Variants in GRK5 observed in about 807,000 individuals in gnomAD.
The protein encoded by GRK5 is g protein-coupled receptor kinase GRK5.
Under a neutral mutation model 78.4 loss-of-function variants are expected in GRK5, and 40 were observed. The ratio of observed to expected loss-of-function variants is 0.51; its 90% confidence interval spans 0.40 to 0.66. GRK5 has a LOEUF of 0.66. Among genes scored for constraint, GRK5 ranks in the 30% least tolerant of loss-of-function variants. The pLI is 0.00. For synonymous variants in GRK5, 289 were observed against 296.8 expected, an observed-to-expected ratio of 0.97 and a Z score of 0.27; for missense variants, 598 against 759.9, an observed-to-expected ratio of 0.79 and a Z score of 2.50.
At chr10:119,311,174 C>T (rs895200372) in intron 1 of GRK5, among the ~76,000 whole-genome samples, 1 of 152,186 alleles carries the variant, frequency 6.6e-6, no homozygotes, top group Non-Finnish European at 1.5e-5. Context: ...TCTTCCCTTC[C>T]GGTCCTGCCT....
At chr10:119,327,564 C>T (rs1850700831) in intron 2 of GRK5, among the ~76,000 whole-genome samples, 1 of 152,212 alleles carries the variant, frequency 6.6e-6, no homozygotes, top group African/African-American at 2.4e-5. Flanking sequence ...CTGCCCAGGG[C>T]CTCGGGTGAG....
In GRK5 at chr10:119,439,661, G is replaced by T; in HGVS notation, c.930-70G>T. On this transcript the variant is annotated intron_variant, in intron 9 of 15. Coordinates refer to ENST00000392870, the MANE Select transcript of GRK5 (RefSeq NM_005308.3). ...TCAGGCCTGATTAGCCCGAGGGGTC[G>T]ACCCAGATGCCAGTGTATCCTACCT... 2.7e-6 allele frequency: 4 copies of T among 1,499,898 alleles called. No homozygotes were observed. In the South Asian group the frequency reaches 4.5e-5, roughly 17 times the overall value. The allele number at this position is 1,499,898 out of a possible 1,614,324, so 92.9% of individuals were successfully genotyped here. A position where few individuals can be genotyped will look rare whatever the true frequency, so the allele number is the denominator to read the frequency against.
intron 6 of GRK5, among the ~76,000 whole-genome samples, chr10:119,428,584 C>T (rs971858341): frequency 2.0e-5 from 3 of 152,176 alleles, no homozygotes; most frequent in African/African-American, 7.2e-5. Flanking sequence ...AACCCAGAGG[C>T]CCCCTCCCAA....
At chr10:119,454,315 A>G (rs759952090) in intron 15 of GRK5, among the ~76,000 whole-genome samples, 4 of 152,180 alleles carry the variant, frequency 2.6e-5, no homozygotes, top group Non-Finnish European at 5.9e-5. Flanking sequence ...GTGGCAACTT[A>G]CGGAACCTCT....
chr10:119,341,587 A>T (rs1281546048), intron 2 of GRK5, among the ~76,000 whole-genome samples: 2 of 151,544 alleles, frequency 1.3e-5, no homozygotes, highest in African/African-American at 4.9e-5. Context: ...CCCCACCCTC[A>T]TGCTGCCACT....
At chr10:119,213,651 G>T (rs970374045) in intron 1 of GRK5, among the ~76,000 whole-genome samples, 1 of 151,964 alleles carries the variant, frequency 6.6e-6, no homozygotes, top group African/African-American at 2.4e-5. Flanking sequence ...TATTTTGGGG[G>T]GGCAGAGATA....
intron 1 of GRK5, among the ~76,000 whole-genome samples, chr10:119,293,796 G>T (rs1370239712): frequency 6.6e-6 from 1 of 152,178 alleles, no homozygotes; most frequent in Non-Finnish European, 1.5e-5. Flanking sequence ...TCGCCTCGGG[G>T]TGGTACCCGA....
At chr10:119,241,490 A>G (rs1435926901) in intron 1 of GRK5, among the ~76,000 whole-genome samples, 1 of 152,176 alleles carries the variant, frequency 6.6e-6, no homozygotes, top group African/African-American at 2.4e-5. Flanking sequence ...TTAACTGCAA[A>G]CTTCTTTCAG....
At chr10:119,404,899 A>T (rs190086308) in intron 4 of GRK5, among the ~76,000 whole-genome samples, 51 of 152,302 alleles carry the variant, frequency 3.3e-4, no homozygotes, top group African/African-American at 1.2e-3. Context: ...CATTTTACAG[A>T]TCAGGTAACT....
chr10:119,261,165 C>T (rs1380574991), intron 1 of GRK5, among the ~76,000 whole-genome samples: 11 of 150,316 alleles, frequency 7.3e-5, no homozygotes, highest in Admixed American at 4.0e-4. Flanking sequence ...GGCGGAGAGG[C>T]TCCTCACTTC....
rs376766573 is a variant in GRK5, at chr10:119,381,509, C to T, written c.261+582C>T. ...ACTGGGCTCTGGCATGGATGACATGCCTGACACCATGGAGTCTTCCTTCAC... is the reference window on the plus strand; with the variant it reads ...ACTGGGCTCTGGCATGGATGACATGTCTGACACCATGGAGTCTTCCTTCAC... On this transcript the variant is annotated intron_variant, in intron 3 of 15. Transcript: ENST00000392870. Among the ~76,000 whole-genome samples the T allele has an allele frequency of 5.9e-5, 9 of 152,372 alleles. No individual in the cohort carries two copies. In the East Asian group the frequency reaches 7.7e-4, roughly 13 times the overall value.
chr10:119,271,937 C>T lies in GRK5; in HGVS notation c.53-54579C>T, dbSNP rs1375451196. 1.3e-5 allele frequency among the ~76,000 whole-genome samples: 2 copies of T among 152,204 alleles called. No homozygotes were observed. The highest frequency in any genetic ancestry group is 4.8e-5 in the African/African-American group (2 of 41,450). ...ATTTGGCATGATGCCTACTCTTATT[C>T]CTTGTCTGTGGGGCCCTGTTTTGTG... On this transcript the variant is annotated intron_variant, in intron 1 of 15. Transcript: ENST00000392870. The surrounding 1 kb of genome is among the most constrained non-coding windows in gnomAD (Gnocchi z 4.1).
rs758538403 is a variant in GRK5 at position 119,262,408 on chromosome 10, G to A, written c.52+54439G>A. Among the ~76,000 whole-genome samples the A allele has an allele frequency of 2.4e-4, 31 of 131,850 alleles. 1 individual carries two copies. The highest frequency in any genetic ancestry group is 9.6e-5 in the Admixed American group (1 of 10,394). The allele number at this position is 131,850 out of a possible 152,430, so 86.5% of individuals were successfully genotyped here. A position where few individuals can be genotyped will look rare whatever the true frequency, so the allele number is the denominator to read the frequency against. On this transcript the variant is annotated intron_variant, in intron 1 of 15. Transcript: ENST00000392870. ...GGCTGGAGTGCAGTGGCGTGATCTC[G>A]GCTCAGCACAACCTCCGCCTCCCAG...
chr10:119,228,401 G>T (rs1026626551), intron 1 of GRK5, among the ~76,000 whole-genome samples: 3 of 146,318 alleles, frequency 2.1e-5, no homozygotes, highest in East Asian at 4.1e-4. Flanking sequence ...ACGTTATGGA[G>T]ATCTAGTTCG....
At chr10:119,424,759 A>G (rs1042163772) in intron 5 of GRK5, among the ~76,000 whole-genome samples, 2 of 152,124 alleles carry the variant, frequency 1.3e-5, no homozygotes, top group African/African-American at 4.8e-5. Context: ...TCCCAGCTAT[A>G]TCCCAGGGCC....
chr10:119,449,130 T>A (rs1405228293), intron 13 of GRK5, among the ~76,000 whole-genome samples: 1 of 152,230 alleles, frequency 6.6e-6, no homozygotes, highest in African/African-American at 2.4e-5. Context: ...AGAGAGCTCA[T>A]GTGCACCTCT....
chr10:119,214,548 G>A (rs775975004), intron 1 of GRK5, among the ~76,000 whole-genome samples: 2 of 152,084 alleles, frequency 1.3e-5, no homozygotes, highest in Non-Finnish European at 2.9e-5. Context: ...TTGAGACAGG[G>A]TCTTGCTGTC....
chr10:119,272,479 G>C (rs1849598025), intron 1 of GRK5, among the ~76,000 whole-genome samples: 1 of 151,382 alleles, frequency 6.6e-6, no homozygotes, highest in Non-Finnish European at 1.5e-5. Context: ...AGGAGGCTGA[G>C]GTAGGAGAAT....
intron 4 of GRK5, among the ~76,000 whole-genome samples, chr10:119,398,459 C>T (rs551345362): frequency 2.6e-5 from 4 of 152,230 alleles, no homozygotes; most frequent in Admixed American, 1.3e-4. Flanking sequence ...AGCTGAATAG[C>T]GTGAGAGGCC....
Sources: allele counts gnomAD v4.1 joint callset (sites outside exome capture counted in the v4.1 genomes callset), GRCh38; gene constraint gnomAD v4.1.1; non-coding constraint Gnocchi (gnomAD v3.1); transcripts MANE v1.5; gene names NCBI Gene and HGNC (gene_info 2026-07-23, HGNC 2026-07-21).